The following NDUFA12 variants were observed in gnomAD, a reference collection of about 807,000 sequenced individuals.
NDUFA12 encodes the protein NADH:ubiquinone oxidoreductase subunit A12.
Under a neutral mutation model 20.3 loss-of-function variants are expected in NDUFA12, and 17 were observed. That is an observed-to-expected ratio of 0.84 (90% CI 0.57 to 1.26). NDUFA12 has a LOEUF of 1.26. NDUFA12 is among the 50% of genes most tolerant of loss of function. The pLI is 0.00. For synonymous variants in NDUFA12, 72 were observed against 63.6 expected, an observed-to-expected ratio of 1.13 and a Z score of -0.63; for missense variants, 191 against 183.7, an observed-to-expected ratio of 1.04 and a Z score of -0.23.
intron 3 of NDUFA12, among the ~76,000 whole-genome samples, chr12:94,990,137 C>CCTAGGTGATAGGATGAT (rs1434019416): frequency 2.0e-5 from 3 of 152,046 alleles, no homozygotes. Flanking sequence ...GGGCTTAATA[C>CCTAGGTGATAGGATGAT]CTAGGTGATA....
In NDUFA12 at chr12:95,000,863, TAAC is replaced by T. The variant is rs541738603; in HGVS notation, c.169+1873_169+1875del. On this transcript the variant is annotated intron_variant, in intron 2 of 3. Transcript: ENST00000327772. ...TAAATTTATAGGTTTATATCATTCT[TAAC>T]AACAACGTATTCCAAAACACGTATA... is the stretch of plus-strand genomic sequence containing the variant. Among the ~76,000 whole-genome samples the T allele has an allele frequency of 1.4e-4, 21 of 152,356 alleles. No individual in the cohort carries two copies. In the East Asian group the frequency reaches 3.7e-3, roughly 27 times the overall value.
chr12:94,984,838 C>T (rs866227239), intron 3 of NDUFA12, among the ~76,000 whole-genome samples: 26 of 149,936 alleles, frequency 1.7e-4, no homozygotes, highest in Middle Eastern at 3.5e-3. Context: ...ATTAGCTGGG[C>T]GTGGCAGCGC....
intron 1 of NDUFA12, among the ~76,000 whole-genome samples, chr12:95,003,303 T>TCA (rs1875125126): frequency 6.6e-6 from 1 of 152,112 alleles, no homozygotes; most frequent in South Asian, 2.1e-4. Flanking sequence ...TTTACCAGGG[T>TCA]CACTGAGTTA....
intron 3 of NDUFA12, among the ~76,000 whole-genome samples, chr12:94,980,706 T>A (rs1006016541): frequency 4.6e-5 from 7 of 152,084 alleles, no homozygotes; most frequent in Admixed American, 6.6e-5. Flanking sequence ...CTGGTGTAAC[T>A]ATGCTGAGAG....
At chr12:95,001,283 C>T (rs995102696) in intron 2 of NDUFA12, among the ~76,000 whole-genome samples, 2 of 134,888 alleles carry the variant, frequency 1.5e-5, no homozygotes, top group South Asian at 4.8e-4. Flanking sequence ...CCAGCCTAGG[C>T]GACAGTGAGA....
intron 3 of NDUFA12, among the ~76,000 whole-genome samples, chr12:94,975,058 G>A (rs1874023833): frequency 6.6e-6 from 1 of 152,124 alleles, no homozygotes; most frequent in African/African-American, 2.4e-5. Context: ...TTGAAGGGAT[G>A]GGTACCCCAT....
At chr12:95,001,955 C>T (rs1875052508) in intron 2 of NDUFA12, among the ~76,000 whole-genome samples, 1 of 151,784 alleles carries the variant, frequency 6.6e-6, no homozygotes, top group African/African-American at 2.4e-5. Context: ...CGCCCGCCTC[C>T]GCCTCCCAAA....
At chr12:94,981,233 C>A (rs1874226960) in intron 3 of NDUFA12, among the ~76,000 whole-genome samples, 1 of 151,926 alleles carries the variant, frequency 6.6e-6, no homozygotes, top group Non-Finnish European at 1.5e-5. Context: ...AGTTTGAGAC[C>A]AGCCTGGGCA....
chr12:94,978,013 G>A (rs1874112739), intron 3 of NDUFA12, among the ~76,000 whole-genome samples: 1 of 151,008 alleles, frequency 6.6e-6, no homozygotes, highest in Non-Finnish European at 1.5e-5. Context: ...AGACTGAGTT[G>A]GGAGTATGTT....
chr12:94,993,254 C>G (rs1874703114), intron 3 of NDUFA12, among the ~76,000 whole-genome samples: 1 of 89,904 alleles, frequency 1.1e-5, no homozygotes, highest in Admixed American at 1.3e-4. Flanking sequence ...TTTGAGAGGC[C>G]GAGGTGGGTG....
chr12:94,992,918 T>C (rs1874692983), intron 3 of NDUFA12, among the ~76,000 whole-genome samples: 1 of 152,222 alleles, frequency 6.6e-6, no homozygotes, highest in Non-Finnish European at 1.5e-5. Flanking sequence ...GAGAAACAGT[T>C]GTTGTTTTAA....
intron 1 of NDUFA12, 129 bp from the exon 2 acceptor site, chr12:95,002,950 C>T: frequency 2.6e-6 from 2 of 782,630 alleles, no homozygotes; most frequent in South Asian, 2.8e-5. Flanking sequence ...TGAAGAAGTG[C>T]TGGGGATGGG....
At chr12:94,985,295 T>C (rs1874389061) in intron 3 of NDUFA12, among the ~76,000 whole-genome samples, 1 of 151,740 alleles carries the variant, frequency 6.6e-6, no homozygotes, top group Non-Finnish European at 1.5e-5. Context: ...ACTGTACTTT[T>C]GCCTGGGCAA....
rs1002389312 is a variant in NDUFA12, at chr12:94,989,366, T to G, written c.257+4804A>C. On this transcript the variant is annotated intron_variant, in intron 3 of 3. Transcript: ENST00000327772. ...AGTTATTTGAATAGGGATGATAAATTGTATCTGTACAATTACTCTCTACAC... is the reference window on the plus strand; with the variant it reads ...AGTTATTTGAATAGGGATGATAAATGGTATCTGTACAATTACTCTCTACAC... Among the ~76,000 whole-genome samples the G allele has an allele frequency of 2.6e-5, 4 of 152,312 alleles. No homozygotes were observed. The East Asian group carries it at 7.7e-4, about 29-fold the overall frequency.
intron 2 of NDUFA12, chr12:94,996,863 T>C (rs1874850780): frequency 4.0e-6 from 1 of 251,992 alleles, no homozygotes; most frequent in Non-Finnish European, 7.9e-6. Context: ...TGTAATATTA[T>C]AGTTTGTAAC....
At chr12:94,994,047 C>A (rs1467200099) in intron 3 of NDUFA12, 123 bp downstream of exon 3, 2 of 810,852 alleles carry the variant, frequency 2.5e-6, no homozygotes, top group Admixed American at 2.0e-5. Context: ...TCACTTGAGC[C>A]TGGGAGGTCA....
intron 3 of NDUFA12, among the ~76,000 whole-genome samples, chr12:94,987,118 TTAA>T (rs1462131375): frequency 2.0e-5 from 3 of 152,126 alleles, no homozygotes; most frequent in Admixed American, 2.0e-4. Context: ...GAGGTTTTCA[TTAA>T]TAATAGGACA....
At chr12:95,002,462 A>AAAAAAAAAG (rs1565821054) in intron 2 of NDUFA12, among the ~76,000 whole-genome samples, 1 of 132,798 alleles carries the variant, frequency 7.5e-6, no homozygotes, top group Non-Finnish European at 1.6e-5. Context: ...AAAAAAAAAA[A>AAAAAAAAAG]AAGAACAAAA....
chr12:94,982,713 G>C (rs1218818670), intron 3 of NDUFA12, among the ~76,000 whole-genome samples: 2 of 152,122 alleles, frequency 1.3e-5, no homozygotes, highest in African/African-American at 4.8e-5. Flanking sequence ...CAAAGGCATA[G>C]CTTCAGGATT....
Sources: allele counts gnomAD v4.1 joint callset (sites outside exome capture counted in the v4.1 genomes callset), GRCh38; gene constraint gnomAD v4.1.1; transcripts MANE v1.5; gene names NCBI Gene and HGNC (gene_info 2026-07-23, HGNC 2026-07-21).